Variants in SNX27 observed in about 807,000 individuals in gnomAD.
SNX27 encodes sorting nexin 27.
A neutral mutation model predicts 71.6 loss-of-function variants in SNX27; 22 were observed. The ratio of observed to expected loss-of-function variants is 0.31; its 90% confidence interval spans 0.22 to 0.44. SNX27 has a LOEUF of 0.44. SNX27 is among the 20% of genes least tolerant of loss of function. SNX27 has a pLI of 1.00. For missense variants in SNX27, 531 were observed against 698.6 expected, an observed-to-expected ratio of 0.76 and a Z score of 2.70; for synonymous variants, 269 against 277.2, an observed-to-expected ratio of 0.97 and a Z score of 0.29.
chr1:151,696,371 T>C lies in SNX27; in HGVS notation c.*1954T>C, dbSNP rs2008633. The C allele has an allele frequency of 2.0e-5, 3 of 152,220 alleles. No individual in the cohort carries two copies. Among genetic ancestry groups the C allele is most frequent in the African/African-American group, 7.2e-5 (3 of 41,440 alleles). 9.4% of individuals were successfully genotyped at this position (152,220 alleles called of 1,614,324 possible). A position where few individuals can be genotyped will look rare whatever the true frequency, so the allele number is the denominator to read the frequency against. ...TGCTCTAACTGGGAGACAGTCATAA[T>C]TGGTTGTAGTCAATTCTACTAAGCA... is the stretch of plus-strand genomic sequence containing the variant. On this transcript the variant is annotated 3_prime_UTR_variant, in exon 12 of 12. Transcript: ENST00000458013.
chr1:151,693,704 T>C (rs896416325), intron 11 of SNX27: 41 of 1,609,612 alleles, frequency 2.5e-5, no homozygotes, highest in Non-Finnish European at 3.3e-5. Flanking sequence ...TTCCCTTGTC[T>C]AGAGGGTGGA....
intron 8 of SNX27, among the ~76,000 whole-genome samples, chr1:151,691,756 C>T (rs527437294): frequency 1.8e-4 from 28 of 152,182 alleles, no homozygotes; most frequent in Non-Finnish European, 2.9e-4. Flanking sequence ...CCTCGTGATC[C>T]ACCCGCCTCG....
At position 151,658,263 on chromosome 1, in the gene SNX27, A is replaced by G; in HGVS notation, c.572A>G (p.Gln191Arg). The G allele has an allele frequency of 6.2e-7, 1 of 1,612,182 alleles. No homozygotes were observed. ...VVYNVYMAGR[Q>R]LCSKRYREFA... The stretch of plus-strand genomic sequence containing the variant: ...TATAATGTTTACATGGCAGGGAGGC[A>G]GCTGTGTTCTAAGCGGTACCGGGAG... Residue 191 changes from glutamine (Q) to arginine (R), a missense_variant, in exon 3 of 12, where the codon CAG (glutamine) becomes CGG (arginine). Coordinates refer to ENST00000458013, the MANE Select transcript of SNX27 (RefSeq NM_001330723.2).
At position 151,695,324 on chromosome 1, in the gene SNX27, C is replaced by T. The variant is rs1415847503; in HGVS notation, c.*907C>T. ...TTTCCTAGAGCCTCGGTATGCTTTCCCTCAACCGACCCTGGCTCAGGAGGT... is the reference window on the plus strand; with the variant it reads ...TTTCCTAGAGCCTCGGTATGCTTTCTCTCAACCGACCCTGGCTCAGGAGGT... On this transcript the variant is annotated 3_prime_UTR_variant, in exon 12 of 12. Coordinates refer to ENST00000458013, the MANE Select transcript of SNX27 (RefSeq NM_001330723.2). The T allele has an allele frequency of 2.0e-5, 3 of 151,942 alleles. No individual in the cohort carries two copies. Among genetic ancestry groups the T allele is most frequent in the Non-Finnish European group, 4.4e-5 (3 of 67,996 alleles). 9.4% of individuals were successfully genotyped at this position (151,942 alleles called of 1,614,324 possible). A position where few individuals can be genotyped will look rare whatever the true frequency, so the allele number is the denominator to read the frequency against.
intron 1 of SNX27, among the ~76,000 whole-genome samples, chr1:151,635,916 C>T (rs554411987): frequency 3.9e-5 from 6 of 152,238 alleles, no homozygotes; most frequent in Admixed American, 6.5e-5. Context: ...GTTTCTCTGA[C>T]GATTTTCAGG....
intron 1 of SNX27, among the ~76,000 whole-genome samples, chr1:151,621,633 T>A (rs2102599004): frequency 6.6e-6 from 1 of 152,350 alleles, no homozygotes; most frequent in Non-Finnish European, 1.5e-5. Flanking sequence ...AAGAGGCTGA[T>A]TACTCTTAAA....
chr1:151,642,736 T>C (rs1305530210), intron 2 of SNX27, among the ~76,000 whole-genome samples: 1 of 152,010 alleles, frequency 6.6e-6, no homozygotes, highest in African/African-American at 2.4e-5. Flanking sequence ...CCTCCATGGT[T>C]CACGCCATTC....
At chr1:151,638,234 G>T (rs899958266) in intron 1 of SNX27, among the ~76,000 whole-genome samples, 7 of 152,208 alleles carry the variant, frequency 4.6e-5, no homozygotes, top group Non-Finnish European at 2.9e-5. Flanking sequence ...CAGGAAAAAA[G>T]TTGATGGAAT....
intron 1 of SNX27, among the ~76,000 whole-genome samples, chr1:151,631,380 A>C (rs1273030223): frequency 6.6e-6 from 1 of 152,224 alleles, no homozygotes; most frequent in Admixed American, 6.5e-5. Flanking sequence ...TGAGGAGATG[A>C]TATAATAGCT....
intron 7 of SNX27, among the ~76,000 whole-genome samples, chr1:151,682,398 T>C (rs983466186): frequency 5.3e-5 from 8 of 152,310 alleles, no homozygotes; most frequent in Admixed American, 3.3e-4. Context: ...CTCAGCTCAC[T>C]GCAACCTCTG....
chr1:151,678,892 T>C (rs905998491), intron 7 of SNX27: 1 of 152,038 alleles, frequency 6.6e-6, no homozygotes, highest in Non-Finnish European at 1.5e-5. Context: ...CCCAGCTAAT[T>C]TTTGTATTTT....
At chr1:151,670,283 A>G (rs891708370) in intron 7 of SNX27, among the ~76,000 whole-genome samples, 3 of 152,114 alleles carry the variant, frequency 2.0e-5, no homozygotes, top group African/African-American at 7.2e-5. Flanking sequence ...CATTTTCTTT[A>G]TCCATTCATC....
In SNX27 at chr1:151,692,489, T is replaced by C. The variant is rs754066198; in HGVS notation, c.1294T>C (p.Cys432Arg). ...CTACAATGAAATCATCTTTCCCCAC[T>C]GTGCCTGTGACTCCAGGAGGAAGGG... ...EGYNEIIFPHCACDSRRKGHV... is the reference protein window; with the variant it reads ...EGYNEIIFPHRACDSRRKGHV... Residue 432 changes from cysteine (C) to arginine (R), a missense_variant, in exon 9 of 12, where the codon TGT becomes CGT. By Grantham distance (180) the Cys-to-Arg change is radical. Transcript: ENST00000458013. 1 of 1,509,154 alleles carries C rather than the reference T, an allele frequency of 6.6e-7. No individual in the cohort carries two copies. Among genetic ancestry groups the C allele is most frequent in the Non-Finnish European group, 9.0e-7 (1 of 1,113,530 alleles). 93.5% of individuals were successfully genotyped at this position (1,509,154 alleles called of 1,614,324 possible). A position where few individuals can be genotyped will look rare whatever the true frequency, so the allele number is the denominator to read the frequency against.
intron 2 of SNX27, among the ~76,000 whole-genome samples, chr1:151,653,213 A>T (rs555266845): frequency 7.2e-5 from 11 of 152,242 alleles, no homozygotes; most frequent in African/African-American, 2.6e-4. Context: ...GGTGTGAGCC[A>T]CCGCACCCAG....
rs1341644365 is a variant in SNX27, at chr1:151,612,414, C to T, written c.213C>T (p.Asn71=). Residue 71 remains asparagine, a synonymous_variant, in exon 1 of 12, where the codon AAC becomes AAT. Transcript: ENST00000458013. This position sits in a 1 kb window ranked among gnomAD's most constrained non-coding sequence, Gnocchi z 5.2. The part of the protein sequence containing the change: ...VSEGGQLRSI[N]GELYAPLQHV... ...AGGGCGGGCAACTGCGGAGCATCAA[C>T]GGGGAGCTGTACGCGCCGCTGCAGC... The T allele has an allele frequency of 6.6e-7, 1 of 1,510,834 alleles. No homozygotes were observed. Among genetic ancestry groups the T allele is most frequent in the South Asian group, 1.3e-5 (1 of 78,100 alleles). 93.6% of individuals were successfully genotyped at this position (1,510,834 alleles called of 1,614,324 possible).
At chr1:151,624,410 TA>T (rs1375968201) in intron 1 of SNX27, among the ~76,000 whole-genome samples, 1 of 14,258 alleles carries the variant, frequency 7.0e-5, no homozygotes, top group African/African-American at 1.8e-4. Context: ...AGCTTGATTT[TA>T]TATATATATA....
intron 7 of SNX27, among the ~76,000 whole-genome samples, chr1:151,682,285 G>C (rs1387475138): frequency 1.3e-5 from 2 of 152,162 alleles, no homozygotes; most frequent in Non-Finnish European, 1.5e-5. Context: ...CACTACCTGA[G>C]ATTAGGTAAT....
intron 7 of SNX27, chr1:151,678,506 T>C (rs1377632500): frequency 1.3e-5 from 2 of 152,180 alleles, no homozygotes; most frequent in African/African-American, 2.4e-5. Context: ...CATTGATCCA[T>C]GGACAGTTGG....
At position 151,697,299 on chromosome 1, in the gene SNX27, T is replaced by A. The variant is rs1016329584; in HGVS notation, c.*2882T>A. The A allele has an allele frequency of 1.7e-4, 26 of 152,184 alleles. No individual in the cohort carries two copies. Among genetic ancestry groups the A allele is most frequent in the African/African-American group, 5.6e-4 (23 of 41,432 alleles). 9.4% of individuals were successfully genotyped at this position (152,184 alleles called of 1,614,324 possible). On this transcript the variant is annotated 3_prime_UTR_variant, in exon 12 of 12. Coordinates refer to ENST00000458013, the MANE Select transcript of SNX27 (RefSeq NM_001330723.2). Reference sequence around the variant, plus strand: ...CCCCTACTCGCTCAGAGTGGGACAGTAGTGAACAGAGCTGGGATTCCATGC... The same window carrying A: ...CCCCTACTCGCTCAGAGTGGGACAGAAGTGAACAGAGCTGGGATTCCATGC...
Sources: gnomAD v4.1 joint callset for allele counts (sites outside exome capture counted in the v4.1 genomes callset) on GRCh38, gnomAD v4.1.1 for gene constraint, Gnocchi (gnomAD v3.1) non-coding constraint, MANE v1.5 for transcripts, NCBI Gene and HGNC (gene_info 2026-07-23, HGNC 2026-07-21) for gene names.